TP63: variants seen among roughly 807,000 people sequenced by gnomAD.
The protein encoded by TP63 is tumor protein p63.
A neutral mutation model predicts 82.8 loss-of-function variants in TP63; 17 were observed. That is an observed-to-expected ratio of 0.21 (90% confidence interval 0.14 to 0.31). The LOEUF (loss-of-function observed/expected upper bound fraction) is 0.31, where lower values mean the gene tolerates loss of function less well. Ranked by LOEUF, TP63 falls within the 10% of genes least tolerant of loss-of-function variation. The pLI is 1.00. For missense variants in TP63, 648 were observed against 895.3 expected, an observed-to-expected ratio of 0.72 and a Z score of 3.52; for synonymous variants, 330 against 321.7, an observed-to-expected ratio of 1.03 and a Z score of -0.28.
At chr3:189,622,599 G>A in the TP63 span, among the ~76,000 whole-genome samples, 2,048 of 152,286 alleles carry the variant, frequency 0.013, 25 homozygotes, top group East Asian at 0.045. Context: ...AAAGAGGAGA[G>A]ATCTTTGTTT....
Position 189,877,423 on chromosome 3 carries a change from T to A in TP63, c.1349+4428T>A, listed in dbSNP as rs149303840. ...TCAGTACTATTTCTTTTTTCATTTG[T>A]TAGTTGTTTTCCCTTATTCTTGGCT... On this transcript the variant is annotated intron_variant, in intron 10 of 13. Transcript: ENST00000264731. 2.4e-4 allele frequency among the ~76,000 whole-genome samples: 36 copies of A among 152,326 alleles called. No homozygotes were observed. The East Asian group carries it at 6.7e-3, about 29-fold the overall frequency.
chr3:189,699,529 C>CCA (rs1170987315), intron 1 of TP63, among the ~76,000 whole-genome samples: 2 of 152,058 alleles, frequency 1.3e-5, no homozygotes, highest in African/African-American at 4.8e-5. Context: ...TACCATCAGC[C>CCA]CATCATCCAG....
intron 10 of TP63, chr3:189,880,419 G>A: frequency 9.1e-7 from 1 of 1,104,806 alleles, no homozygotes; most frequent in Non-Finnish European, 1.1e-6. Context: ...CCGGCCATTG[G>A]TGGGTGAGGA....
At chr3:189,651,013 A>C (rs1337407786) in intron 1 of TP63, among the ~76,000 whole-genome samples, 3 of 147,258 alleles carry the variant, frequency 2.0e-5, no homozygotes, top group East Asian at 4.7e-4. Flanking sequence ...GTCCAGGCTG[A>C]GGTGGTCTTA....
intron 4 of TP63, among the ~76,000 whole-genome samples, chr3:189,839,040 T>TAAAAAAAAAAAAAGA (rs1713568842): frequency 1.1e-5 from 1 of 88,606 alleles, no homozygotes; most frequent in Non-Finnish European, 2.1e-5. Flanking sequence ...TATCCTAAGC[T>TAAAAAAAAAAAAAGA]AAAAAAAAAA....
In TP63 at chr3:189,896,374, A is replaced by G. The variant is rs1231313297; in HGVS notation, c.*1872A>G. 1 of 201,748 alleles carries G rather than the reference A, an allele frequency of 5.0e-6. No homozygotes were observed. The highest frequency in any genetic ancestry group is 2.3e-5 in the African/African-American group (1 of 43,562). 12.5% of individuals were successfully genotyped at this position (201,748 alleles called of 1,614,324 possible). On this transcript the variant is annotated 3_prime_UTR_variant, in exon 14 of 14. Transcript: ENST00000264731. ...GTTTTTGTATTTTCATGAAAATACC[A>G]TTTAGTAAGAATACCACATCAAATA...
chr3:189,707,901 A>G (rs1718318899), intron 1 of TP63, among the ~76,000 whole-genome samples: 2 of 152,182 alleles, frequency 1.3e-5, no homozygotes, highest in Admixed American at 1.3e-4. Flanking sequence ...TTTATGTGGC[A>G]TTGTACATTG....
chr3:189,699,365 A>G (rs960949156), intron 1 of TP63, among the ~76,000 whole-genome samples: 3 of 152,198 alleles, frequency 2.0e-5, no homozygotes, highest in Non-Finnish European at 4.4e-5. Context: ...ACAAGCTAGC[A>G]TGATGTCCAA....
intron 4 of TP63, among the ~76,000 whole-genome samples, chr3:189,837,141 A>G (rs1713272191): frequency 6.6e-6 from 1 of 152,122 alleles, no homozygotes; most frequent in South Asian, 2.1e-4. Context: ...GCAGTCAACA[A>G]AAGATGATTT....
At chr3:189,722,553 A>G (rs553872453) in intron 1 of TP63, among the ~76,000 whole-genome samples, 4 of 152,228 alleles carry the variant, frequency 2.6e-5, no homozygotes, top group Admixed American at 6.5e-5. Flanking sequence ...CAGTGAACGC[A>G]TTGGGCCTGT....
chr3:189,868,796 G>A (rs1265170449), intron 8 of TP63, 80 bp downstream of exon 8: 12 of 1,607,716 alleles, frequency 7.5e-6, no homozygotes, highest in Non-Finnish European at 1.0e-5. Flanking sequence ...TGGAGAAGCT[G>A]CATGATAAGA....
Position 189,758,402 on chromosome 3 carries a change from C to T in TP63, c.324+19628C>T, listed in dbSNP as rs529893962. ...GTCTCAAGTGAGCATGCATACAACTCGAGTAAACACATTGCACATGCAGCC... is the reference window on the plus strand; with the variant it reads ...GTCTCAAGTGAGCATGCATACAACTTGAGTAAACACATTGCACATGCAGCC... On this transcript the variant is annotated intron_variant, in intron 3 of 13. Transcript: ENST00000264731. Among the ~76,000 whole-genome samples the T allele has an allele frequency of 2.8e-4, 43 of 152,284 alleles. No individual in the cohort carries two copies. The South Asian group carries it at 8.5e-3, about 30-fold the overall frequency.
At chr3:189,661,704 G>T (rs1920273) in intron 1 of TP63, among the ~76,000 whole-genome samples, 1 of 151,586 alleles carries the variant, frequency 6.6e-6, no homozygotes, top group African/African-American at 2.4e-5. Context: ...ATGTAGTCAG[G>T]CTTTTTTGGT....
chr3:189,854,359 T>G (rs1183946633), intron 4 of TP63, among the ~76,000 whole-genome samples: 1 of 152,148 alleles, frequency 6.6e-6, no homozygotes, highest in Non-Finnish European at 1.5e-5. Context: ...TCCTCCCGAG[T>G]AGCTGGGATT....
At chr3:189,741,490 C>T (rs1241202532) in intron 3 of TP63, among the ~76,000 whole-genome samples, 1 of 152,080 alleles carries the variant, frequency 6.6e-6, no homozygotes, top group East Asian at 1.9e-4. Flanking sequence ...AGCATATTTT[C>T]TTTTCTCTTT....
At chr3:189,809,376 A>C (rs538254819) in intron 4 of TP63, among the ~76,000 whole-genome samples, 10 of 152,188 alleles carry the variant, frequency 6.6e-5, no homozygotes, top group Admixed American at 3.9e-4. Context: ...TAGATCCAAG[A>C]ATATTTTATT....
At chr3:189,872,747 A>G in intron 9 of TP63, 112 bp from the exon 10 acceptor site, 6 of 1,456,778 alleles carry the variant, frequency 4.1e-6, no homozygotes, top group Non-Finnish European at 5.7e-6. Context: ...AATAAACGTT[A>G]GCAAATAAAC....
At chr3:189,773,723 C>CT (rs965013149) in intron 3 of TP63, among the ~76,000 whole-genome samples, 14 of 151,072 alleles carry the variant, frequency 9.3e-5, no homozygotes, top group African/African-American at 2.7e-4. Context: ...CCATCAATGG[C>CT]TTTTTTTTTC....
chr3:189,807,519 A>C (rs1158302928), intron 3 of TP63, among the ~76,000 whole-genome samples: 1 of 152,242 alleles, frequency 6.6e-6, no homozygotes, highest in African/African-American at 2.4e-5. Context: ...TTGACCATAG[A>C]ATTTTCTTCA....
Sources: allele counts gnomAD v4.1 joint callset (sites outside exome capture counted in the v4.1 genomes callset), GRCh38; gene constraint gnomAD v4.1.1; transcripts MANE v1.5; gene names NCBI Gene and HGNC (gene_info 2026-07-23, HGNC 2026-07-21).